Variants in NGEF observed in about 807,000 individuals in gnomAD.
NGEF encodes neuronal guanine nucleotide exchange factor.
A neutral mutation model predicts 80.9 loss-of-function variants in NGEF; 31 were observed. The observed-to-expected ratio is 0.38, with a 90% CI of 0.29 to 0.52. The LOEUF (loss-of-function observed/expected upper bound fraction) is 0.52, where lower values mean the gene tolerates loss of function less well. Ranked by LOEUF, NGEF falls within the 20% of genes least tolerant of loss-of-function variation. The pLI is 0.84. For synonymous variants in NGEF, 371 were observed against 370.2 expected, an observed-to-expected ratio of 1.00 and a Z score of -0.03; for missense variants, 709 against 926.2, an observed-to-expected ratio of 0.77 and a Z score of 3.04.
At chr2:233,003,633 T>C (rs1695027219) in intron 1 of NGEF, among the ~76,000 whole-genome samples, 1 of 152,146 alleles carries the variant, frequency 6.6e-6, no homozygotes, top group Non-Finnish European at 1.5e-5. Flanking sequence ...CGTCTGTTCA[T>C]CCATCGGCTC....
intron 3 of NGEF, among the ~76,000 whole-genome samples, chr2:232,930,531 A>G (rs1346664701): frequency 1.4e-5 from 1 of 71,402 alleles, no homozygotes; most frequent in Admixed American, 1.6e-4. Flanking sequence ...TATCATAGAG[A>G]CAGGGTTTCA....
intron 3 of NGEF, among the ~76,000 whole-genome samples, chr2:232,959,728 C>T (rs188096674): frequency 9.4e-4 from 143 of 152,142 alleles, no homozygotes; most frequent in African/African-American, 3.0e-3. Flanking sequence ...TACAGGCACG[C>T]GCCACCATGC....
Position 232,909,424 on chromosome 2 carries a change from T to A in NGEF, c.828+10860A>T, listed in dbSNP as rs1483210645. On this transcript the variant is annotated intron_variant, in intron 5 of 14. Coordinates refer to ENST00000264051, the MANE Select transcript of NGEF (RefSeq NM_019850.3). ...TCTATCTCCAGATTTGATGTGCTTA[T>A]GTTTTATGTAATTTTTTTTTACCTT... Among the ~76,000 whole-genome samples, 3 of 75,904 alleles carry A rather than the reference T, an allele frequency of 4.0e-5. No homozygotes were observed. The East Asian group carries it at 1.3e-3, about 32-fold the overall frequency. 49.8% of individuals were successfully genotyped at this position (75,904 alleles called of 152,430 possible).
chr2:232,987,652 G>A (rs1015235612), intron 1 of NGEF, among the ~76,000 whole-genome samples: 2 of 152,112 alleles, frequency 1.3e-5, no homozygotes, highest in Non-Finnish European at 2.9e-5. Flanking sequence ...AGAGCCTAGG[G>A]TTATGGTGCT....
rs1252791378 is a variant in NGEF, at chr2:232,967,739, A to G, written c.383+2475T>C. 2.2e-5 allele frequency among the ~76,000 whole-genome samples: 3 copies of G among 136,010 alleles called. No homozygotes were observed. In the Admixed American group the frequency reaches 2.3e-4, roughly 10 times the overall value. The allele number at this position is 136,010 out of a possible 152,430, so 89.2% of individuals were successfully genotyped here. A position where few individuals can be genotyped will look rare whatever the true frequency, so the allele number is the denominator to read the frequency against. ...TGTGTGTGTGTGTGTGTGTGTGATC[A>G]AGGATCAATGAGCAAAGCAACCTCA... On this transcript the variant is annotated intron_variant, in intron 3 of 14. Coordinates refer to ENST00000264051, the MANE Select transcript of NGEF (RefSeq NM_019850.3).
intron 1 of NGEF, among the ~76,000 whole-genome samples, chr2:233,005,839 C>A (rs1035028243): frequency 6.6e-6 from 1 of 152,180 alleles, no homozygotes; most frequent in South Asian, 2.1e-4. Flanking sequence ...TTTTTTGAGA[C>A]AGAGTCTTGC....
intron 3 of NGEF, among the ~76,000 whole-genome samples, chr2:232,931,791 T>C (rs1317436026): frequency 6.6e-6 from 1 of 152,156 alleles, no homozygotes; most frequent in Non-Finnish European, 1.5e-5. Context: ...ATAGAACCAT[T>C]TGGCTGAAAA....
intron 3 of NGEF, among the ~76,000 whole-genome samples, chr2:232,956,573 C>T (rs1693837920): frequency 6.6e-6 from 1 of 151,992 alleles, no homozygotes; most frequent in Admixed American, 6.6e-5. Flanking sequence ...TCGAGACCAG[C>T]CTGGCCAACA....
At chr2:232,989,581 G>A (rs1466623054) in intron 1 of NGEF, among the ~76,000 whole-genome samples, 2 of 152,188 alleles carry the variant, frequency 1.3e-5, no homozygotes, top group African/African-American at 4.8e-5. Flanking sequence ...AAAACTAAAG[G>A]AGACAGGGAA....
intron 5 of NGEF, among the ~76,000 whole-genome samples, chr2:232,901,983 G>GGT (rs1692370699): frequency 3.9e-5 from 6 of 152,200 alleles, no homozygotes; most frequent in Admixed American, 3.9e-4. Flanking sequence ...CAGTGGCTGG[G>GGT]GTGTGTGTGG....
rs571346605 is a variant in NGEF, at chr2:232,894,686, A to C, written c.989+70T>G. 1.5e-4 allele frequency: 211 copies of C among 1,372,220 alleles called. 1 individual carries two copies. In the South Asian group the frequency reaches 3.2e-3, roughly 21 times the overall value. 85.0% of individuals were successfully genotyped at this position (1,372,220 alleles called of 1,614,324 possible). A position where few individuals can be genotyped will look rare whatever the true frequency, so the allele number is the denominator to read the frequency against. On this transcript the variant is annotated intron_variant, in intron 6 of 14. Transcript: ENST00000264051. ...AAGCCAGTATCGAGCACTTGTCATC[A>C]GTGTCTCAAGCATGTGCCCTGGGGA...
At chr2:233,011,139 C>A (rs1057042083) in intron 1 of NGEF, among the ~76,000 whole-genome samples, 1 of 152,096 alleles carries the variant, frequency 6.6e-6, no homozygotes, top group African/African-American at 2.4e-5. Flanking sequence ...GGCCTGGCCT[C>A]GGGGGTGTGG....
intron 5 of NGEF, among the ~76,000 whole-genome samples, chr2:232,919,200 AG>A (rs1166822960): frequency 2.0e-4 from 30 of 152,316 alleles, no homozygotes; most frequent in African/African-American, 7.0e-4. Flanking sequence ...TAGTATATAT[AG>A]GCTACTGTTT....
intron 1 of NGEF, among the ~76,000 whole-genome samples, chr2:232,993,951 G>A (rs750615838): frequency 1.4e-4 from 21 of 152,180 alleles, no homozygotes; most frequent in Non-Finnish European, 3.1e-4. Context: ...TGCAAATGGG[G>A]ATGGGATTTC....
intron 10 of NGEF, 23 bp from the exon 11 acceptor site, chr2:232,884,167 G>A (rs1182368928): frequency 6.4e-7 from 1 of 1,562,372 alleles, no homozygotes; most frequent in Non-Finnish European, 8.6e-7. Flanking sequence ...AAGGGCATCA[G>A]GCAGGCTGTG....
At chr2:232,959,819 T>A (rs1693907739) in intron 3 of NGEF, among the ~76,000 whole-genome samples, 1 of 152,234 alleles carries the variant, frequency 6.6e-6, no homozygotes, top group Non-Finnish European at 1.5e-5. Context: ...CCTCAGGTAA[T>A]CTGCCCGCCT....
In NGEF at chr2:232,954,647, C is replaced by A. The variant is rs180948307; in HGVS notation, c.383+15567G>T. On this transcript the variant is annotated intron_variant, in intron 3 of 14. Coordinates refer to ENST00000264051, the MANE Select transcript of NGEF (RefSeq NM_019850.3). ...GGCTGAGGCAGGACAATGGAGTGAACCTGGGAGGCAGAGCTTGCAGTGAGC... is the reference window on the plus strand; with the variant it reads ...GGCTGAGGCAGGACAATGGAGTGAAACTGGGAGGCAGAGCTTGCAGTGAGC... Among the ~76,000 whole-genome samples, 751 of 151,600 alleles carry A rather than the reference C, an allele frequency of 5.0e-3. 7 individuals are homozygous for A. Among genetic ancestry groups the A allele is most frequent in the East Asian group, 0.032 (166 of 5,136 alleles).
chr2:232,899,596 T>C (rs1445049764), intron 5 of NGEF, among the ~76,000 whole-genome samples: 3 of 143,058 alleles, frequency 2.1e-5, no homozygotes, highest in Non-Finnish European at 4.7e-5. Flanking sequence ...ATATACACGT[T>C]CACTCACATT....
intron 4 of NGEF, among the ~76,000 whole-genome samples, chr2:232,925,812 T>A (rs2675952): frequency 0.43 from 64,677 of 151,706 alleles, 13,846 homozygotes; most frequent in Admixed American, 0.45. Flanking sequence ...GGATTTTCTA[T>A]GTGGCATCAG....
Sources: gnomAD v4.1 joint callset for allele counts (sites outside exome capture counted in the v4.1 genomes callset) on GRCh38, gnomAD v4.1.1 for gene constraint, MANE v1.5 for transcripts, NCBI Gene and HGNC (gene_info 2026-07-23, HGNC 2026-07-21) for gene names.